The following ITIH3 variants were observed in gnomAD, a reference collection of about 807,000 sequenced individuals.
ITIH3 encodes inter-alpha-trypsin inhibitor heavy chain 3, also known as inter-alpha-trypsin inhibitor heavy chain H3.
ITIH3 carries 81 observed loss-of-function variants against 96.5 expected under a neutral mutation model. The observed-to-expected ratio is 0.84, with a 90% CI of 0.70 to 1.01. ITIH3 has a LOEUF of 1.01. Among genes scored for constraint, ITIH3 ranks in the 50% least tolerant of loss-of-function variants. The pLI, the probability that ITIH3 is intolerant of heterozygous loss-of-function variation, is 0.00. For missense variants in ITIH3, 1,057 were observed against 1,139.3 expected, an observed-to-expected ratio of 0.93 and a Z score of 1.04; for synonymous variants, 422 against 445.2, an observed-to-expected ratio of 0.95 and a Z score of 0.66.
chr3:52,797,041 G>A (rs1369891220), intron 4 of ITIH3, 64 bp from the exon 5 acceptor site: 16 of 1,545,920 alleles, frequency 1.0e-5, no homozygotes, highest in African/African-American at 4.1e-5. Flanking sequence ...GCCTGGGGCC[G>A]AGGGCCGAGG....
chr3:52,804,819 C>T (rs764086569), intron 15 of ITIH3, 85 bp downstream of exon 15: 1 of 1,465,318 alleles, frequency 6.8e-7, no homozygotes, highest in Non-Finnish European at 9.4e-7. Flanking sequence ...CAAGATAGGA[C>T]CCCCAGCCAT....
At chr3:52,794,983 AGAG>A in intron 1 of ITIH3, 87 bp downstream of exon 1, 1 of 1,057,980 alleles carries the variant, frequency 9.5e-7, no homozygotes, top group Non-Finnish European at 1.5e-6. Flanking sequence ...AGTGGAGTGA[AGAG>A]GAGGCAGAGG....
Position 52,799,727 on chromosome 3 carries a change from CT to C in ITIH3, c.907-25del, listed in dbSNP as rs1257204257. On this transcript the variant is annotated intron_variant, in intron 8 of 21. Transcript: ENST00000449956. ...GGGACCTCACTCTCTGCTGCGGCTT[CT>C]CCCAGCTCTTTGTCTCTCCTCCAGA... The C allele has an allele frequency of 2.5e-6, 4 of 1,594,824 alleles. No homozygotes were observed. In the African/African-American group the frequency reaches 5.4e-5, roughly 21 times the overall value.
intron 20 of ITIH3, 71 bp from the exon 21 acceptor site, chr3:52,808,039 C>G: frequency 6.3e-7 from 1 of 1,583,070 alleles, no homozygotes; most frequent in Non-Finnish European, 8.7e-7. Context: ...TGCATCAACC[C>G]TGAAAGGCCA....
At chr3:52,808,303 G>C in intron 21 of ITIH3, 82 bp downstream of exon 21, 3 of 1,237,604 alleles carry the variant, frequency 2.4e-6, no homozygotes, top group Non-Finnish European at 3.5e-6. Flanking sequence ...CATTAGTCTG[G>C]TGGGCTTTTG....
At chr3:52,799,318 C>T (rs944374737) in intron 7 of ITIH3, 54 bp from the exon 8 acceptor site, 1 of 1,351,526 alleles carries the variant, frequency 7.4e-7, no homozygotes, top group Non-Finnish European at 1.0e-6. Context: ...CAAGAATAGT[C>T]AATGTGGTGT....
intron 9 of ITIH3, 111 bp from the exon 10 acceptor site, chr3:52,800,427 G>T (rs1233258666): frequency 7.5e-7 from 1 of 1,326,906 alleles, no homozygotes; most frequent in Admixed American, 2.2e-5. Context: ...GGCAGATAGG[G>T]TCCTTGGGCA....
At chr3:52,802,234 C>T in intron 11 of ITIH3, 100 bp from the exon 12 acceptor site, 3 of 1,230,240 alleles carry the variant, frequency 2.4e-6, no homozygotes, top group Non-Finnish European at 3.4e-6. Flanking sequence ...ACATTAGGAG[C>T]CATTAGGACG....
Position 52,808,560 on chromosome 3 carries a change from A to G in ITIH3, c.2552A>G (p.Gln851Arg). Residue 851 changes from glutamine to arginine, a missense_variant, in exon 22 of 22, where the codon CAG (glutamine) becomes CGG (arginine). Coordinates refer to ENST00000449956, the MANE Select transcript of ITIH3 (RefSeq NM_002217.4). ...CTCTCTTCTTTCCCCAGGGGCTCCC[A>G]GAAAGACTACAGAAAGGATGCCAGC... ...NHQLIVTRGS[Q>R]KDYRKDASIG... 1 of 1,613,808 alleles carries G rather than the reference A, an allele frequency of 6.2e-7. No homozygotes were observed. The highest frequency in any genetic ancestry group is 8.5e-7 in the Non-Finnish European group (1 of 1,179,738).
At chr3:52,807,664 G>A (rs1007212956) in intron 19 of ITIH3, 83 bp from the exon 20 acceptor site, 1 of 1,361,086 alleles carries the variant, frequency 7.3e-7, no homozygotes, top group Non-Finnish European at 1.0e-6. Context: ...GTACAGGGGA[G>A]GCCCCACCAA....
At position 52,807,791 on chromosome 3, in the gene ITIH3, G is replaced by A. The variant is rs779295315; in HGVS notation, c.2306G>A (p.Gly769Glu). ...INRKNMVVSFGDGVTFVVVLH... is the reference protein window; with the variant it reads ...INRKNMVVSFEDGVTFVVVLH... ...AGGAAGAACATGGTGGTCTCCTTTG[G>A]AGATGGGGTTACCTTCGTGGTCGTC... The change falls in exon 20 of 22, where the codon GGA becomes GAA. Residue 769 changes from glycine (G) to glutamate (E), a missense_variant. Transcript: ENST00000449956. 6.2e-6 allele frequency: 10 copies of A among 1,612,412 alleles called. No individual in the cohort carries two copies. Among genetic ancestry groups the A allele is most frequent in the Middle Eastern group, 1.6e-4 (1 of 6,084 alleles).
intron 14 of ITIH3, chr3:52,804,259 A>G: frequency 1.8e-6 from 1 of 542,086 alleles, no homozygotes; most frequent in Non-Finnish European, 3.3e-6. Flanking sequence ...CACACTGCCC[A>G]TGGGGCATTT....
intron 11 of ITIH3, chr3:52,802,123 A>G: frequency 2.0e-6 from 1 of 497,474 alleles, no homozygotes; most frequent in Non-Finnish European, 3.5e-6. Flanking sequence ...ATACTTCTGA[A>G]ACTGTCCTTT....
intron 16 of ITIH3, 79 bp from the exon 17 acceptor site, chr3:52,806,024 G>T: frequency 6.5e-7 from 1 of 1,533,158 alleles, no homozygotes; most frequent in Non-Finnish European, 8.9e-7. Flanking sequence ...AGGGGCATAA[G>T]CTGAACTCCT....
Position 52,800,558 on chromosome 3 carries a change from C to T in ITIH3, c.1096C>T (p.Leu366=), listed in dbSNP as rs758258880. The part of the protein sequence containing the change: ...DKGMTNINDG[L]LRGISMLNKA... ...CCCAGTGACCAACATCAATGACGGG[C>T]TGCTGAGGGGCATCAGTATGCTGAA... Residue 366 remains leucine (L), a synonymous_variant, in exon 10 of 22, where the codon CTG becomes TTG. Transcript: ENST00000449956. The T allele has an allele frequency of 1.3e-6, 2 of 1,557,114 alleles. No homozygotes were observed. The highest frequency in any genetic ancestry group is 4.8e-5 in the East Asian group (2 of 41,356).
At chr3:52,799,350 C>CACT in intron 7 of ITIH3, 22 bp from the exon 8 acceptor site, 2 of 1,541,848 alleles carry the variant, frequency 1.3e-6, no homozygotes, top group Non-Finnish European at 1.8e-6. Flanking sequence ...CACCGGCCTC[C>CACT]GTCCCTCTCC....
Position 52,794,843 on chromosome 3 carries a change from C to T in ITIH3, c.40C>T (p.Leu14Phe). The change falls in exon 1 of 22, where the codon CTC (leucine) becomes TTC (phenylalanine). Residue 14 changes from leucine to phenylalanine, a missense_variant. Transcript: ENST00000449956. ...GTGGCCCTGTCTCATCTTGGCTCTG[C>T]TCTCCAGCTTGGCAGCCTCTGGCTT... ...AWWPCLILAL[L>F]SSLAASGFPR... The T allele has an allele frequency of 6.2e-7, 1 of 1,614,044 alleles. No individual in the cohort carries two copies. The highest frequency in any genetic ancestry group is 1.1e-5 in the South Asian group (1 of 91,084).
At chr3:52,806,440 G>C (rs373801814) in intron 18 of ITIH3, 34 bp downstream of exon 18, 2 of 1,551,190 alleles carry the variant, frequency 1.3e-6, no homozygotes, top group Non-Finnish European at 1.8e-6. Flanking sequence ...GGGCCAGGGG[G>C]CTCTTCCTGG....
rs754230343 is a variant in ITIH3 at position 52,795,637 on chromosome 3, C to A, written c.114+14C>A. The A allele has an allele frequency of 3.7e-6, 6 of 1,611,578 alleles. No homozygotes were observed. Among genetic ancestry groups the A allele is most frequent in the Non-Finnish European group, 4.2e-6 (5 of 1,178,818 alleles). The stretch of plus-strand genomic sequence containing the variant: ...CTCCCGGAAGGGGTAAGAACTTTCA[C>A]CAGGGGGTGGGACCGAGTGGGGCAG... On this transcript the variant is annotated intron_variant, in intron 2 of 21. Coordinates refer to ENST00000449956, the MANE Select transcript of ITIH3 (RefSeq NM_002217.4).
Sources: allele counts gnomAD v4.1 joint callset, GRCh38; gene constraint gnomAD v4.1.1; transcripts MANE v1.5; gene names NCBI Gene and HGNC (gene_info 2026-07-23, HGNC 2026-07-21).